Variants in BRF1 observed in about 807,000 individuals in gnomAD.
The protein encoded by BRF1 is transcription factor IIIB 90 kDa subunit.
BRF1 carries 59 observed loss-of-function variants against 81.7 expected under a neutral mutation model. The ratio of observed to expected loss-of-function variants is 0.72; its 90% CI spans 0.59 to 0.90. BRF1 has a LOEUF of 0.90. Among genes scored for constraint, BRF1 ranks in the 40% least tolerant of loss-of-function variants. The pLI, the probability that BRF1 is intolerant of heterozygous loss-of-function variation, is 0.00. For synonymous variants in BRF1, 491 were observed against 395.6 expected (o/e 1.24, Z -2.86); for missense variants, 1,050 against 936.3 (o/e 1.12, Z -1.58).
intron 15 of BRF1, among the ~76,000 whole-genome samples, chr14:105,215,776 C>CTGCACACACACACA (rs1891090439): frequency 7.6e-6 from 1 of 131,290 alleles, no homozygotes; most frequent in Non-Finnish European, 1.6e-5. Flanking sequence ...TGCACACACA[C>CTGCACACACACACA]TGCACACACA....
At chr14:105,253,881 G>A (rs190051782) in intron 4 of BRF1, among the ~76,000 whole-genome samples, 5 of 152,354 alleles carry the variant, frequency 3.3e-5, no homozygotes, top group East Asian at 3.9e-4. Context: ...ACTGGGGGGC[G>A]TGTCAGCACA....
rs116891133 is a variant in BRF1 at position 105,241,604 on chromosome 14, G to C, written c.545-190C>G. The C allele has an allele frequency of 9.9e-3, 7,314 of 737,700 alleles. 384 individuals carry two copies. Among genetic ancestry groups the C allele is most frequent in the Admixed American group, 0.093 (3,359 of 36,306 alleles). The allele number at this position is 737,700 out of a possible 1,614,324, so 45.7% of individuals were successfully genotyped here. On this transcript the variant is annotated intron_variant, in intron 5 of 17. Coordinates refer to ENST00000547530, the MANE Select transcript of BRF1 (RefSeq NM_001519.4). ...GGCAGCCATCGCACCGAACCCAGGA[G>C]AGCCACTGGCCACCTGCTGCCAGCC... is the stretch of plus-strand genomic sequence containing the variant.
chr14:105,250,621 C>T (rs371316817), intron 5 of BRF1: 50 of 1,613,724 alleles, frequency 3.1e-5, no homozygotes, highest in Admixed American at 5.0e-5. Context: ...ACAGCACCAA[C>T]GGGACTGGGG....
intron 4 of BRF1, chr14:105,256,188 C>T (rs2055856789): frequency 3.9e-6 from 6 of 1,529,186 alleles, no homozygotes; most frequent in South Asian, 2.4e-5. Flanking sequence ...AAACTAGGTA[C>T]TCACAAAAAA....
At chr14:105,275,314 C>T (rs2056836682) in intron 2 of BRF1, among the ~76,000 whole-genome samples, 1 of 152,214 alleles carries the variant, frequency 6.6e-6, no homozygotes, top group Admixed American at 6.5e-5. Flanking sequence ...CACCTAAGGC[C>T]ACCTGCCTAG....
chr14:105,294,841 T>A (rs866073652), intron 1 of BRF1, among the ~76,000 whole-genome samples: 29 of 152,304 alleles, frequency 1.9e-4, no homozygotes, highest in South Asian at 1.9e-3. Context: ...CTAGGTCAAG[T>A]GGACCAATTC....
intron 1 of BRF1, among the ~76,000 whole-genome samples, chr14:105,293,494 C>T (rs753052419): frequency 4.6e-5 from 7 of 152,242 alleles, no homozygotes; most frequent in Non-Finnish European, 8.8e-5. Context: ...CAAGCAGGAG[C>T]CCAGGATGTC....
chr14:105,229,362 T>C (rs949777967), intron 6 of BRF1, among the ~76,000 whole-genome samples: 15 of 152,256 alleles, frequency 9.9e-5, no homozygotes, highest in South Asian at 2.1e-4. Flanking sequence ...ATGGAGATCA[T>C]GTGTGCAGAT....
chr14:105,296,985 C>T (rs937538690), intron 1 of BRF1, among the ~76,000 whole-genome samples: 1 of 151,776 alleles, frequency 6.6e-6, no homozygotes, highest in Admixed American at 6.6e-5. Flanking sequence ...TGGTGAAACC[C>T]TGTCTCTACT....
chr14:105,282,550 G>A (rs1397440020), intron 2 of BRF1, among the ~76,000 whole-genome samples: 2 of 152,212 alleles, frequency 1.3e-5, no homozygotes, highest in Admixed American at 1.3e-4. Context: ...AACCAAGGCG[G>A]TATGGGGAGA....
Position 105,217,949 on chromosome 14 carries a change from G to A in BRF1, c.1516-149C>T, listed in dbSNP as rs1482398799. 1.3e-5 allele frequency: 17 copies of A among 1,301,130 alleles called. No homozygotes were observed. The South Asian group carries it at 1.8e-4, about 13-fold the overall frequency. The allele number at this position is 1,301,130 out of a possible 1,614,324, so 80.6% of individuals were successfully genotyped here. ...CTCCTGCCTCCTCCCCCCAGAATGTGGGCCAGCCTGGTGCTCTCTGGGCCT... is the reference window on the plus strand; with the variant it reads ...CTCCTGCCTCCTCCCCCCAGAATGTAGGCCAGCCTGGTGCTCTCTGGGCCT... On this transcript the variant is annotated intron_variant, in intron 14 of 17. Coordinates refer to ENST00000547530, the MANE Select transcript of BRF1 (RefSeq NM_001519.4).
In BRF1 at chr14:105,269,653, G is replaced by A. The variant is rs890767977; in HGVS notation, c.439+3068C>T. Among the ~76,000 whole-genome samples the A allele has an allele frequency of 6.6e-6, 1 of 152,118 alleles. No individual in the cohort carries two copies. Among genetic ancestry groups the A allele is most frequent in the African/African-American group, 2.4e-5 (1 of 41,404 alleles). ...GCGTGTGGGAACTTTGTGGCTAAAG[G>A]TGGTCCTGCCAGACTCAGAGGCAGC... On this transcript the variant is annotated intron_variant, in intron 3 of 17. Coordinates refer to ENST00000547530, the MANE Select transcript of BRF1 (RefSeq NM_001519.4). This position sits in a 1 kb window ranked among gnomAD's most constrained non-coding sequence, Gnocchi z 5.0.
chr14:105,294,488 GA>G (rs1278760302), intron 1 of BRF1, among the ~76,000 whole-genome samples: 7 of 152,230 alleles, frequency 4.6e-5, no homozygotes, highest in African/African-American at 1.7e-4. Context: ...CTGCTGCCAT[GA>G]CAACTTGCTT....
chr14:105,249,567 A>T, intron 5 of BRF1: 1 of 1,585,328 alleles, frequency 6.3e-7, no homozygotes, highest in South Asian at 1.1e-5. Flanking sequence ...GAGCTGATGG[A>T]CTCCTCTCCC....
At chr14:105,218,532 C>T (rs1370139390) in intron 14 of BRF1, among the ~76,000 whole-genome samples, 1 of 152,214 alleles carries the variant, frequency 6.6e-6, no homozygotes, top group Non-Finnish European at 1.5e-5. Flanking sequence ...TTCTCCTGCT[C>T]AGTCACTCAG....
In BRF1 at chr14:105,211,277, G is replaced by C. The variant is rs1222659078; in HGVS notation, c.1841C>G (p.Ser614Cys). Reference sequence around the variant, plus strand: ...GGCAGGCTCAGCTCCGAGGGTGGGAGAGCTTGGGAGCAAAGCCTGGAACGA... The same window carrying C: ...GGCAGGCTCAGCTCCGAGGGTGGGACAGCTTGGGAGCAAAGCCTGGAACGA... The part of the protein sequence containing the change: ...VATGEALLPS[S>C]PTLGAEPARP... Residue 614 changes from serine to cysteine, a missense_variant, in exon 17 of 18, where the codon TCT (serine) becomes TGT (cysteine). By Grantham distance (112) the Ser-to-Cys change is moderately radical. Coordinates refer to ENST00000547530, the MANE Select transcript of BRF1 (RefSeq NM_001519.4). 1 of 1,600,254 alleles carries C rather than the reference G, an allele frequency of 6.2e-7. No individual in the cohort carries two copies. Among genetic ancestry groups the C allele is most frequent in the Non-Finnish European group, 8.5e-7 (1 of 1,173,184 alleles).
chr14:105,228,536 T>C (rs1165054680), intron 7 of BRF1, among the ~76,000 whole-genome samples: 1 of 146,216 alleles, frequency 6.8e-6, no homozygotes, highest in Non-Finnish European at 1.5e-5. Flanking sequence ...AGAGCAAGGC[T>C]GTTCCTCAAA....
chr14:105,266,746 T>C (rs756592194), intron 3 of BRF1, among the ~76,000 whole-genome samples: 1 of 151,912 alleles, frequency 6.6e-6, no homozygotes, highest in Non-Finnish European at 1.5e-5. Context: ...GTGTGTGGGT[T>C]AGAAAGGAAG....
intron 5 of BRF1, chr14:105,247,149 A>C (rs587665072): frequency 2.0e-6 from 2 of 985,480 alleles, no homozygotes; most frequent in South Asian, 9.4e-5. Flanking sequence ...GGGGTCCCAC[A>C]CTATGAAATC....
Sources: allele counts gnomAD v4.1 joint callset (sites outside exome capture counted in the v4.1 genomes callset), GRCh38; gene constraint gnomAD v4.1.1; non-coding constraint Gnocchi (gnomAD v3.1); transcripts MANE v1.5; gene names NCBI Gene and HGNC (gene_info 2026-07-23, HGNC 2026-07-21).